ESRRG: variants seen among roughly 807,000 people sequenced by gnomAD.
ESRRG encodes estrogen related receptor gamma.
Under a neutral mutation model 44.0 loss-of-function variants are expected in ESRRG, and 13 were observed. The observed-to-expected ratio is 0.30, with a 90% CI of 0.19 to 0.47. ESRRG has a LOEUF of 0.47. ESRRG is among the 20% of genes least tolerant of loss of function. The pLI is 1.00. For missense variants in ESRRG, 395 were observed against 580.6 expected, an observed-to-expected ratio of 0.68 and a Z score of 3.29; for synonymous variants, 215 against 214.6, an observed-to-expected ratio of 1.00 and a Z score of -0.02.
chr1:216,858,793 A>C (rs903198607), intron 2 of ESRRG, among the ~76,000 whole-genome samples: 1 of 152,218 alleles, frequency 6.6e-6, no homozygotes, highest in African/African-American at 2.4e-5. Context: ...AAATGTCCCC[A>C]GCTGTGACCC....
chr1:216,621,692 C>T (rs2062263072), intron 3 of ESRRG, among the ~76,000 whole-genome samples: 1 of 152,190 alleles, frequency 6.6e-6, no homozygotes, highest in South Asian at 2.1e-4. Flanking sequence ...CTTGGCTTTG[C>T]TGTTCAGAAC....
intron 3 of ESRRG, among the ~76,000 whole-genome samples, chr1:216,592,692 GT>G (rs1470017186): frequency 6.6e-6 from 1 of 152,094 alleles, no homozygotes; most frequent in Non-Finnish European, 1.5e-5. Context: ...TAGAGATGGT[GT>G]TTCTCCATCT....
chr1:216,973,368 A>G (rs1213141339), intron 1 of ESRRG, among the ~76,000 whole-genome samples: 1 of 152,074 alleles, frequency 6.6e-6, no homozygotes, highest in Non-Finnish European at 1.5e-5. Flanking sequence ...TTACTTGAAC[A>G]TACCACTCAG....
chr1:216,748,476 C>A (rs1163236311), intron 2 of ESRRG, among the ~76,000 whole-genome samples: 1 of 152,142 alleles, frequency 6.6e-6, no homozygotes. Context: ...CAGTACCAAG[C>A]CAAGAGTCTA....
intron 1 of ESRRG, among the ~76,000 whole-genome samples, chr1:216,684,344 G>A (rs971313476): frequency 6.6e-6 from 1 of 152,184 alleles, no homozygotes; most frequent in Non-Finnish European, 1.5e-5. Flanking sequence ...GACAGTTTCT[G>A]TATTTAAGGA....
At chr1:217,013,037 T>C (rs2078855596) in intron 1 of ESRRG, among the ~76,000 whole-genome samples, 1 of 152,210 alleles carries the variant, frequency 6.6e-6, no homozygotes, top group South Asian at 2.1e-4. Context: ...TCTATGCATG[T>C]TGTCTCTGTG....
chr1:216,635,682 T>A (rs2065150406), intron 3 of ESRRG, among the ~76,000 whole-genome samples: 1 of 152,176 alleles, frequency 6.6e-6, no homozygotes, highest in African/African-American at 2.4e-5. Context: ...TGGCAGGTTT[T>A]GCTGACCCTG....
chr1:216,889,454 C>G (rs908042927), intron 2 of ESRRG, among the ~76,000 whole-genome samples: 1 of 152,124 alleles, frequency 6.6e-6, no homozygotes, highest in Non-Finnish European at 1.5e-5. Flanking sequence ...GCTGGGCTAT[C>G]AGGACAAGGA....
At chr1:216,522,194 C>G (rs2046297072) in intron 5 of ESRRG, among the ~76,000 whole-genome samples, 1 of 141,824 alleles carries the variant, frequency 7.1e-6, no homozygotes, top group Admixed American at 7.3e-5. Flanking sequence ...GCAAACCTAA[C>G]TTTTTCCTTT....
At chr1:216,921,567 C>T (rs1252478072) in intron 2 of ESRRG, among the ~76,000 whole-genome samples, 1 of 152,048 alleles carries the variant, frequency 6.6e-6, no homozygotes, top group Non-Finnish European at 1.5e-5. Context: ...TGCACTCTTC[C>T]CCAGACACCT....
upstream of ESRRG, among the ~76,000 whole-genome samples, chr1:216,725,656 A>T (rs1339357): frequency 7.6e-4 from 116 of 152,022 alleles, no homozygotes; most frequent in African/African-American, 2.8e-3. Context: ...TCTCAGGGTA[A>T]TTAATAGATT....
chr1:216,523,584 G>T (rs1374725301), intron 5 of ESRRG, among the ~76,000 whole-genome samples: 1 of 151,060 alleles, frequency 6.6e-6, no homozygotes, highest in East Asian at 1.9e-4. Context: ...AAGTGTGAAG[G>T]GCAAAAAATA....
intron 3 of ESRRG, among the ~76,000 whole-genome samples, chr1:216,591,638 A>G (rs1480604762): frequency 6.6e-6 from 1 of 152,232 alleles, no homozygotes; most frequent in East Asian, 1.9e-4. Flanking sequence ...CATGGAACAT[A>G]CAAAACCAGC....
At chr1:216,892,309 C>A (rs916534306) in intron 2 of ESRRG, among the ~76,000 whole-genome samples, 8 of 152,096 alleles carry the variant, frequency 5.3e-5, no homozygotes. Flanking sequence ...AAGAAGGAGA[C>A]CCTCTCCCTA....
chr1:216,938,161 G>A (rs954846209), intron 2 of ESRRG, among the ~76,000 whole-genome samples: 2 of 152,104 alleles, frequency 1.3e-5, no homozygotes, highest in African/African-American at 4.8e-5. Context: ...TAAATGCTCT[G>A]AGAGAGTTGG....
intron 5 of ESRRG, among the ~76,000 whole-genome samples, chr1:216,552,439 A>G (rs1198651654): frequency 6.6e-6 from 1 of 152,204 alleles, no homozygotes; most frequent in Non-Finnish European, 1.5e-5. Context: ...GATCTTAAGC[A>G]TCTTTATCCA....
chr1:216,770,039 G>A (rs1237469528), intron 2 of ESRRG, among the ~76,000 whole-genome samples: 1 of 151,942 alleles, frequency 6.6e-6, no homozygotes, highest in Admixed American at 6.6e-5. Flanking sequence ...ATTAGGGTAG[G>A]GCAAAAAGAG....
At chr1:217,136,764 A>G (rs1322638042) in intron 1 of ESRRG, among the ~76,000 whole-genome samples, 2 of 152,188 alleles carry the variant, frequency 1.3e-5, no homozygotes, top group Non-Finnish European at 2.9e-5. Flanking sequence ...CTTCCTTAAA[A>G]ATAAAGCCCC....
At chr1:217,002,812 G>A (rs557795888) in intron 1 of ESRRG, among the ~76,000 whole-genome samples, 1 of 152,230 alleles carries the variant, frequency 6.6e-6, no homozygotes, top group African/African-American at 2.4e-5. Flanking sequence ...GCCCCACGCA[G>A]GCTTTCATTT....
Sources: gnomAD v4.1 joint callset for allele counts (sites outside exome capture counted in the v4.1 genomes callset) on GRCh38, gnomAD v4.1.1 for gene constraint, MANE v1.5 for transcripts, NCBI Gene and HGNC (gene_info 2026-07-23, HGNC 2026-07-21) for gene names.